The following A2M variants were observed in gnomAD, a reference collection of about 807,000 sequenced individuals.
The protein encoded by A2M is alpha-2-macroglobulin.
In A2M, 128 loss-of-function variants were observed where a neutral mutation model predicts 183.9. That is an observed-to-expected ratio of 0.70 (90% CI 0.60 to 0.81). The LOEUF (loss-of-function observed/expected upper bound fraction) is 0.81, where lower values mean the gene tolerates loss of function less well. Ranked by LOEUF, A2M falls within the 30% of genes least tolerant of loss-of-function variation. The pLI, the probability that A2M is intolerant of heterozygous loss-of-function variation, is 0.00. For synonymous variants in A2M, 592 were observed against 670.8 expected (o/e 0.88, Z 1.81); for missense variants, 1,495 against 1,787.6 (o/e 0.84, Z 2.95).
At chr12:9,074,523 C>T in intron 29 of A2M, 37 bp downstream of exon 29, 1 of 1,542,362 alleles carries the variant, frequency 6.5e-7, no homozygotes, top group Non-Finnish European at 8.8e-7. Flanking sequence ...CTTTTGCTAC[C>T]TGAAGGTGAA....
intron 10 of A2M, 129 bp from the exon 11 acceptor site, chr12:9,104,529 G>A (rs1938137276): frequency 1.9e-5 from 16 of 856,384 alleles, no homozygotes; most frequent in South Asian, 2.0e-5. Flanking sequence ...ACACAGCAGT[G>A]AAAAAAAACG....
In A2M at chr12:9,101,397, CAG is replaced by C. The variant is rs768067565; in HGVS notation, c.1494+48_1494+49del. ...AAGAGCTTCATGATTACTTGCTCCA[CAG>C]AGAGCTTTTGTCTACAGTGAAGTCA... is the stretch of plus-strand genomic sequence containing the variant. On this transcript the variant is annotated intron_variant, in intron 12 of 35. Coordinates refer to ENST00000318602, the MANE Select transcript of A2M (RefSeq NM_000014.6). 39 of 1,491,012 alleles carry C rather than the reference CAG, an allele frequency of 2.6e-5. No individual in the cohort carries two copies. In the African/African-American group the frequency reaches 5.3e-4, roughly 20 times the overall value. 92.4% of individuals were successfully genotyped at this position (1,491,012 alleles called of 1,614,324 possible).
intron 18 of A2M, 85 bp downstream of exon 18, chr12:9,093,380 C>A: frequency 1.1e-6 from 1 of 873,160 alleles, no homozygotes; most frequent in Non-Finnish European, 1.9e-6. Flanking sequence ...ACATATAAAA[C>A]AATAAAAACA....
At position 9,089,941 on chromosome 12, in the gene A2M, G is replaced by A. The variant is rs368199883; in HGVS notation, c.2679C>T (p.His893=). The change falls in exon 21 of 36, where the codon CAC becomes CAT. Residue 893 remains histidine (H), a synonymous_variant. Transcript: ENST00000318602. Reference sequence around the variant, plus strand: ...GCTTGATGACTGTGTCTTTCCTTCCGTGTTCAGGAACTGAAGGCACCTCAG... The same window carrying A: ...GCTTGATGACTGTGTCTTTCCTTCCATGTTCAGGAACTGAAGGCACCTCAG... The part of the protein sequence containing the change: ...CGTEVPSVPE[H]GRKDTVIKPL... The A allele has an allele frequency of 2.6e-5, 42 of 1,611,216 alleles. No homozygotes were observed. The highest frequency in any genetic ancestry group is 3.1e-5 in the Non-Finnish European group (37 of 1,178,378).
rs1948886302 is a variant in A2M at position 9,080,721 on chromosome 12, G to A, written c.2771-544C>T. 2.0e-5 allele frequency among the ~76,000 whole-genome samples: 3 copies of A among 152,274 alleles called. No individual in the cohort carries two copies. In the East Asian group the frequency reaches 5.8e-4, roughly 29 times the overall value. On this transcript the variant is annotated intron_variant, in intron 22 of 35. Coordinates refer to ENST00000318602, the MANE Select transcript of A2M (RefSeq NM_000014.6). Reference sequence around the variant, plus strand: ...AAGGAAGTGAAGACGAACAGTATTTGATGCATTGAAAATAAAATAATTACT... The same window carrying A: ...AAGGAAGTGAAGACGAACAGTATTTAATGCATTGAAAATAAAATAATTACT...
chr12:9,074,717 T>TG lies in A2M; in HGVS notation c.3598dup (p.Gln1200ProfsTer6). On this transcript the variant is annotated frameshift_variant, in exon 29 of 36. Transcript: ENST00000318602. LOFTEE classifies it high-confidence loss of function. The stretch of plus-strand genomic sequence containing the variant: ...CATCTCCACCTCAGCAGAGGGAGCC[T>TG]GGGGTTCGTAAAAATGCCCCACTGG... 1 of 1,613,970 alleles carries TG rather than the reference T, an allele frequency of 6.2e-7. No homozygotes were observed. Among genetic ancestry groups the TG allele is most frequent in the East Asian group, 2.2e-5 (1 of 44,876 alleles).
At position 9,093,481 on chromosome 12, in the gene A2M, C is replaced by T. The variant is rs545926870; in HGVS notation, c.2224G>A (p.Asp742Asn). The T allele has an allele frequency of 1.4e-5, 23 of 1,613,648 alleles. 1 individual carries two copies. In the South Asian group the frequency reaches 2.4e-4, roughly 17 times the overall value. The stretch of plus-strand genomic sequence containing the variant: ...GTTACTTACTTTACCACCACCAAAT[C>T]CCAGATCCATGTCTCAGGGAAGTAC... ...RKYFPETWIWDLVVVNSAGVA... is the reference protein window; with the variant it reads ...RKYFPETWIWNLVVVNSAGVA... Residue 742 changes from aspartate (D) to asparagine (N), a missense_variant, in exon 18 of 36, where the codon GAT becomes AAT. Coordinates refer to ENST00000318602, the MANE Select transcript of A2M (RefSeq NM_000014.6).
At chr12:9,082,621 T>C (rs10743598) in intron 22 of A2M, among the ~76,000 whole-genome samples, 84,212 of 152,040 alleles carry the variant, frequency 0.55, 24,979 homozygotes, top group African/African-American at 0.76. Context: ...AATGCACAAA[T>C]AATGCAAGGA....
chr12:9,109,234 G>A, intron 7 of A2M, 87 bp downstream of exon 7: 2 of 1,054,612 alleles, frequency 1.9e-6, no homozygotes, highest in Non-Finnish European at 2.8e-6. Flanking sequence ...TGTTGCCACT[G>A]CTCCCGGAGA....
Position 9,072,750 on chromosome 12 carries a change from T to A in A2M, c.3878A>T (p.Asp1293Val). 6.2e-7 allele frequency: 1 copy of A among 1,614,202 alleles called. No homozygotes were observed. Residue 1293 changes from aspartate to valine, a missense_variant, in exon 30 of 36, where the codon GAC (aspartate) becomes GTC (valine). Asp to Val is a radical substitution (Grantham distance 152). Transcript: ENST00000318602. ...SGTFSSKFQV[D>V]NNNRLLLQQV... ...CTGCAGTAACAGGCGGTTGTTGTTG[T>A]CCACTTGGAATTTGCTGGAAAATGT...
intron 31 of A2M, among the ~76,000 whole-genome samples, chr12:9,071,557 T>C (rs1948580657): frequency 6.6e-6 from 1 of 152,170 alleles, no homozygotes; most frequent in Non-Finnish European, 1.5e-5. Context: ...AATTTTGCAC[T>C]GAATTGTTGT....
chr12:9,070,384 A>T, intron 32 of A2M, 104 bp downstream of exon 32: 1 of 787,392 alleles, frequency 1.3e-6, no homozygotes, highest in Non-Finnish European at 2.1e-6. Context: ...TAAGGCTTTG[A>T]TAGAGATTGA....
chr12:9,103,497 T>G (rs977340550), intron 11 of A2M, among the ~76,000 whole-genome samples: 2 of 152,230 alleles, frequency 1.3e-5, no homozygotes, highest in Non-Finnish European at 2.9e-5. Flanking sequence ...GTATATCTGT[T>G]GTGCAACAGA....
intron 1 of A2M, 72 bp downstream of exon 1, chr12:9,115,692 T>G (rs56112715): frequency 0.013 from 14,725 of 1,133,252 alleles, 175 homozygotes; most frequent in Non-Finnish European, 0.016. Context: ...GAAAAAGGAA[T>G]GATATAAAGA....
Position 9,112,457 on chromosome 12 carries a change from C to T in A2M, c.350G>A (p.Arg117Gln), listed in dbSNP as rs772340371. 3.7e-6 allele frequency: 6 copies of T among 1,613,650 alleles called. No homozygotes were observed. The highest frequency in any genetic ancestry group is 1.3e-5 in the African/African-American group (1 of 74,880). The change falls in exon 3 of 36, where the codon CGG (arginine) becomes CAG (glutamine). Residue 117 changes from arginine (R) to glutamine (Q), a missense_variant. By Grantham distance (43) the Arg-to-Gln change is conservative. Coordinates refer to ENST00000318602, the MANE Select transcript of A2M (RefSeq NM_000014.6). ...CTCGTTCTTAACCATCACTGTGGTCCGCTTCTTAAATTCTTGGGTTGGTCC... is the reference window on the plus strand; with the variant it reads ...CTCGTTCTTAACCATCACTGTGGTCTGCTTCTTAAATTCTTGGGTTGGTCC... ...VKGPTQEFKK[R>Q]TTVMVKNEDS... is the part of the protein sequence containing the mutation.
intron 13 of A2M, among the ~76,000 whole-genome samples, chr12:9,100,290 T>C (rs1937726399): frequency 6.6e-6 from 1 of 152,226 alleles, no homozygotes; most frequent in African/African-American, 2.4e-5. Context: ...CTTGAAATCG[T>C]ACATTTTCTC....
chr12:9,079,497 T>C lies in A2M; in HGVS notation c.3031+142A>G, dbSNP rs763807521. ...ATTTTATTGGAGGTTGGAGAGTGGA[T>C]AGTTTCCTTGAAATTAACTATCATA... On this transcript the variant is annotated intron_variant, in intron 24 of 35. Coordinates refer to ENST00000318602, the MANE Select transcript of A2M (RefSeq NM_000014.6). 9.6e-6 allele frequency: 10 copies of C among 1,043,278 alleles called. No individual in the cohort carries two copies. The Admixed American group carries it at 1.6e-4, about 17-fold the overall frequency. 64.6% of individuals were successfully genotyped at this position (1,043,278 alleles called of 1,614,324 possible). A position where few individuals can be genotyped will look rare whatever the true frequency, so the allele number is the denominator to read the frequency against.
chr12:9,075,264 G>T (rs904456012), intron 28 of A2M, among the ~76,000 whole-genome samples: 14 of 152,250 alleles, frequency 9.2e-5, no homozygotes, highest in Admixed American at 9.2e-4. Flanking sequence ...TGAAACAATG[G>T]GAACCAATAT....
chr12:9,108,816 G>T (rs1938504128), intron 7 of A2M, among the ~76,000 whole-genome samples: 1 of 152,230 alleles, frequency 6.6e-6, no homozygotes, highest in Non-Finnish European at 1.5e-5. Context: ...ACCCGCCTTA[G>T]GTGGACTAGT....
Sources: gnomAD v4.1 joint callset for allele counts (sites outside exome capture counted in the v4.1 genomes callset) on GRCh38, gnomAD v4.1.1 for gene constraint, MANE v1.5 for transcripts, NCBI Gene and HGNC (gene_info 2026-07-23, HGNC 2026-07-21) for gene names.